Variants in LYPD1 observed in about 807,000 individuals in gnomAD.
The protein encoded by LYPD1 is LY6/PLAUR domain containing 1.
Under a neutral mutation model 14.2 loss-of-function variants are expected in LYPD1, and 14 were observed. The ratio of observed to expected loss-of-function variants is 0.99; its 90% CI spans 0.65 to 1.54. LYPD1 has a LOEUF of 1.54. Among genes scored for constraint, LYPD1 ranks in the 40% most tolerant of loss-of-function variants. LYPD1 has a pLI of 0.00. For synonymous variants in LYPD1, 85 were observed against 70.6 expected, an observed-to-expected ratio of 1.20 and a Z score of -1.02; for missense variants, 165 against 175.7, an observed-to-expected ratio of 0.94 and a Z score of 0.34.
chr2:132,651,317 T>C (rs1482767588), intron 2 of LYPD1, among the ~76,000 whole-genome samples: 2 of 152,142 alleles, frequency 1.3e-5, no homozygotes, highest in Non-Finnish European at 2.9e-5. Flanking sequence ...ATGACCACTC[T>C]CAAGAAAAGA....
intron 2 of LYPD1, among the ~76,000 whole-genome samples, chr2:132,650,194 A>G (rs971299409): frequency 1.3e-5 from 2 of 152,200 alleles, no homozygotes; most frequent in African/African-American, 4.8e-5. Context: ...AACGCAACAG[A>G]GCTTTGAAAC....
intron 2 of LYPD1, among the ~76,000 whole-genome samples, chr2:132,649,098 A>G (rs7558213): frequency 0.6 from 90,768 of 152,100 alleles, 28,971 homozygotes; most frequent in African/African-American, 0.83. Flanking sequence ...GGCTGGTGTC[A>G]GGGTATGGAG....
At chr2:132,656,681 T>C (rs1682615151) in intron 2 of LYPD1, among the ~76,000 whole-genome samples, 1 of 152,200 alleles carries the variant, frequency 6.6e-6, no homozygotes, top group Non-Finnish European at 1.5e-5. Context: ...ATCAAGAAAG[T>C]AGTTCTTTTC....
rs1361559318 is a variant in LYPD1, at chr2:132,644,565, CCTGAAA to C, written c.*1474_*1479del. On this transcript the variant is annotated 3_prime_UTR_variant, in exon 3 of 3. Coordinates refer to ENST00000397463, the MANE Select transcript of LYPD1 (RefSeq NM_144586.7). ...ACAGGCTATTCCTGACTTTGCTTCC[CCTGAAA>C]CTGAATGCAAAACCAGTGTCATTAA... 2.6e-5 allele frequency among the ~76,000 whole-genome samples: 4 copies of C among 152,174 alleles called. No homozygotes were observed. The highest frequency in any genetic ancestry group is 5.9e-5 in the Non-Finnish European group (4 of 68,036).
At chr2:132,649,729 G>A (rs988214459) in intron 2 of LYPD1, among the ~76,000 whole-genome samples, 2 of 152,142 alleles carry the variant, frequency 1.3e-5, no homozygotes, top group African/African-American at 4.8e-5. Flanking sequence ...AAGGAATGCT[G>A]CCAGGTGGGG....
rs1681930808 is a variant in LYPD1, at chr2:132,644,059, G to A, written c.*1986C>T. Among the ~76,000 whole-genome samples, 1 of 152,320 alleles carries A rather than the reference G, an allele frequency of 6.6e-6. No individual in the cohort carries two copies. Among genetic ancestry groups the A allele is most frequent in the Middle Eastern group, 3.4e-3 (1 of 294 alleles). On this transcript the variant is annotated 3_prime_UTR_variant, in exon 3 of 3. Coordinates refer to ENST00000397463, the MANE Select transcript of LYPD1 (RefSeq NM_144586.7). ...TCTTGGCTCCTTACGAAAAGAGAGA[G>A]CAAATGCTTCACAGATCCCCTGATC...
chr2:132,658,323 C>CA (rs778159803), intron 2 of LYPD1, among the ~76,000 whole-genome samples: 1 of 152,044 alleles, frequency 6.6e-6, no homozygotes, highest in Non-Finnish European at 1.5e-5. Context: ...TACTTGCAGC[C>CA]AAAAACATTC....
Position 132,669,134 on chromosome 2 carries a change from G to C in LYPD1, c.53-597C>G, listed in dbSNP as rs1683474751. On this transcript the variant is annotated intron_variant, in intron 1 of 2. Coordinates refer to ENST00000397463, the MANE Select transcript of LYPD1 (RefSeq NM_144586.7). The surrounding 1 kb of genome is among the most constrained non-coding windows in gnomAD (Gnocchi z 4.3). Reference sequence around the variant, plus strand: ...GAGCCCGGGTCGGCGGCCCTTCTCCGGGGCCGTCCCCGCGGCGACCCGAAT... The same window carrying C: ...GAGCCCGGGTCGGCGGCCCTTCTCCCGGGCCGTCCCCGCGGCGACCCGAAT... 6.6e-6 allele frequency among the ~76,000 whole-genome samples: 1 copy of C among 152,176 alleles called. No homozygotes were observed. The highest frequency in any genetic ancestry group is 2.1e-4 in the South Asian group (1 of 4,816).
In LYPD1 at chr2:132,655,901, G is replaced by A. The variant is rs1361353379; in HGVS notation, c.191-9621C>T. 4.6e-5 allele frequency among the ~76,000 whole-genome samples: 7 copies of A among 152,092 alleles called. 1 individual carries two copies. The South Asian group carries it at 8.3e-4, about 18-fold the overall frequency. On this transcript the variant is annotated intron_variant, in intron 2 of 2. Transcript: ENST00000397463. Reference sequence around the variant, plus strand: ...TGGTCATCATTTAACATTTTTTTCTGCTAGAAGTATTGAGCCTCTTTGTTG... The same window carrying A: ...TGGTCATCATTTAACATTTTTTTCTACTAGAAGTATTGAGCCTCTTTGTTG...
intron 2 of LYPD1, among the ~76,000 whole-genome samples, chr2:132,652,085 G>A (rs1030527253): frequency 6.6e-6 from 1 of 152,174 alleles, no homozygotes; most frequent in African/African-American, 2.4e-5. Flanking sequence ...GGTAGGAGAA[G>A]GTCATGACCA....
intron 2 of LYPD1, among the ~76,000 whole-genome samples, chr2:132,652,982 T>C (rs1197340605): frequency 6.6e-6 from 1 of 152,154 alleles, no homozygotes; most frequent in Non-Finnish European, 1.5e-5. Context: ...CTGCAGCCAT[T>C]GTACCTATTC....
At chr2:132,664,073 G>A (rs572808971) in intron 2 of LYPD1, among the ~76,000 whole-genome samples, 10 of 152,088 alleles carry the variant, frequency 6.6e-5, no homozygotes, top group East Asian at 5.8e-4. Context: ...ATATGTGTGC[G>A]CACAGGCATT....
Position 132,658,445 on chromosome 2 carries a change from G to A in LYPD1, c.190+9955C>T, listed in dbSNP as rs185756147. Among the ~76,000 whole-genome samples, 316 of 152,318 alleles carry A rather than the reference G, an allele frequency of 2.1e-3. 1 individual carries two copies. Among genetic ancestry groups the A allele is most frequent in the African/African-American group, 7.2e-3 (300 of 41,570 alleles). ...AAGTGTTGCCCCAGAGACTAATGAA[G>A]GGATGGAAAATGCTGCTTGATGCCT... On this transcript the variant is annotated intron_variant, in intron 2 of 2. Transcript: ENST00000397463.
At chr2:132,650,725 A>AAC (rs1553463085) in intron 2 of LYPD1, among the ~76,000 whole-genome samples, 12 of 104,438 alleles carry the variant, frequency 1.1e-4, no homozygotes, top group African/African-American at 3.6e-4. Context: ...TAAAAAAAAA[A>AAC]AACAAAAAAC....
At chr2:132,655,142 C>T (rs1046177978) in intron 2 of LYPD1, among the ~76,000 whole-genome samples, 50 of 152,094 alleles carry the variant, frequency 3.3e-4, no homozygotes, top group African/African-American at 1.2e-3. Context: ...TTTCCTGTTC[C>T]TTCTTGAAAT....
intron 2 of LYPD1, chr2:132,660,503 T>G (rs1387605219): frequency 6.6e-6 from 1 of 152,240 alleles, no homozygotes; most frequent in South Asian, 2.1e-4. Context: ...AGAATCACGA[T>G]GTAGCCACAA....
chr2:132,668,412 C>G lies in LYPD1; in HGVS notation c.178G>C (p.Glu60Gln). 1.9e-6 allele frequency: 3 copies of G among 1,605,200 alleles called. No individual in the cohort carries two copies. The East Asian group carries it at 6.8e-5, about 36-fold the overall frequency. ...GCCAGGCTCTTACCGGCACTTTGCT[C>G]CATCACTTCTTTCTGACACATGTCT... ...VQDMCQKEVM[E>Q]QSAGIMYRKS... The change falls in exon 2 of 3, where the codon GAG becomes CAG. Residue 60 changes from glutamate (E) to glutamine (Q), a missense_variant. Physicochemically the swap from Glu to Gln is conservative, Grantham distance 29. Transcript: ENST00000397463.
chr2:132,647,477 C>T (rs977611147), intron 2 of LYPD1, among the ~76,000 whole-genome samples: 9 of 152,106 alleles, frequency 5.9e-5, no homozygotes, highest in South Asian at 2.1e-4. Context: ...GTCGCCCAGG[C>T]GCCCGCCACC....
In LYPD1 at chr2:132,645,592, G is replaced by C. The variant is rs1009246553; in HGVS notation, c.*453C>G. 4 of 1,611,168 alleles carry C rather than the reference G, an allele frequency of 2.5e-6. No homozygotes were observed. In the African/African-American group the frequency reaches 5.4e-5, roughly 22 times the overall value. ...TTCTGCTGCAGAGAATGGTTTTCAG[G>C]AGCATGAAGTTTGAATGTCAAGCGA... On this transcript the variant is annotated 3_prime_UTR_variant, in exon 3 of 3. Coordinates refer to ENST00000397463, the MANE Select transcript of LYPD1 (RefSeq NM_144586.7).
Sources: allele counts gnomAD v4.1 joint callset (sites outside exome capture counted in the v4.1 genomes callset), GRCh38; gene constraint gnomAD v4.1.1; non-coding constraint Gnocchi (gnomAD v3.1); transcripts MANE v1.5; gene names NCBI Gene and HGNC (gene_info 2026-07-23, HGNC 2026-07-21).